FER: variants seen among roughly 807,000 people sequenced by gnomAD.
FER encodes FER tyrosine kinase, also known as tyrosine-protein kinase Fer.
In FER, 63 loss-of-function variants were observed where a neutral mutation model predicts 111.0. That is an observed-to-expected ratio of 0.57 (90% confidence interval 0.46 to 0.70). The LOEUF (loss-of-function observed/expected upper bound fraction) is 0.70. Among genes scored for constraint, FER ranks in the 30% least tolerant of loss-of-function variants. FER has a pLI of 0.00. For missense variants in FER, 914 were observed against 954.0 expected, an observed-to-expected ratio of 0.96 and a Z score of 0.55; for synonymous variants, 327 against 313.9, an observed-to-expected ratio of 1.04 and a Z score of -0.44.
At chr5:108,755,287 T>C (rs1750958259) in intron 1 of FER, among the ~76,000 whole-genome samples, 1 of 152,232 alleles carries the variant, frequency 6.6e-6, no homozygotes, top group Non-Finnish European at 1.5e-5. Flanking sequence ...CCTTGGTCGC[T>C]GTAATGCTTT....
rs1759038895 is a variant in FER at position 109,187,731 on chromosome 5, T to TAA, written c.*160_*161dup. ...GTGTTTTAAAAGTACGTTCCACTTG[T>TAA]AAAAAGTCAAAGGCAAATTTGTTAA... On this transcript the variant is annotated 3_prime_UTR_variant, in exon 20 of 20. Coordinates refer to ENST00000281092, the MANE Select transcript of FER (RefSeq NM_005246.4). 3.0e-6 allele frequency: 3 copies of TAA among 993,124 alleles called. No homozygotes were observed. The highest frequency in any genetic ancestry group is 4.3e-6 in the Non-Finnish European group (3 of 690,822). 61.5% of individuals were successfully genotyped at this position (993,124 alleles called of 1,614,324 possible).
intron 16 of FER, among the ~76,000 whole-genome samples, chr5:109,094,025 G>A (rs75322116): frequency 0.034 from 5,205 of 152,114 alleles, 145 homozygotes; most frequent in South Asian, 0.084. Context: ...GCAGACAGTC[G>A]AACTTCTTTG....
intron 13 of FER, among the ~76,000 whole-genome samples, chr5:108,985,294 G>T (rs1026321276): frequency 2.6e-5 from 4 of 152,048 alleles, no homozygotes; most frequent in Non-Finnish European, 5.9e-5. Context: ...TAAAAAGCTG[G>T]ACCATAACGG....
chr5:109,102,790 T>A (rs551648656), intron 17 of FER, among the ~76,000 whole-genome samples: 2 of 152,238 alleles, frequency 1.3e-5, no homozygotes, highest in South Asian at 4.1e-4. Context: ...GGATACATTG[T>A]TTTTTTCATT....
intron 17 of FER, among the ~76,000 whole-genome samples, chr5:109,139,350 C>CTTTCTTTTTTTTTTTTTTTTTTTT (rs759020944): frequency 1.1e-5 from 1 of 91,114 alleles, no homozygotes; most frequent in African/African-American, 4.4e-5. Context: ...TTCTTTCTTT[C>CTTTCTTTTTTTTTTTTTTTTTTTT]TTTTTTTTTT....
chr5:108,911,502 C>T (rs1326182916), intron 10 of FER, among the ~76,000 whole-genome samples: 9 of 151,992 alleles, frequency 5.9e-5, no homozygotes, highest in Non-Finnish European at 1.5e-5. Flanking sequence ...GTTTTTGTTG[C>T]ATTTGCTTTT....
intron 2 of FER, among the ~76,000 whole-genome samples, chr5:108,770,498 A>G (rs1752786248): frequency 6.6e-6 from 1 of 152,264 alleles, no homozygotes; most frequent in Admixed American, 6.5e-5. Flanking sequence ...TTTATGGGAC[A>G]GAGTCTCGCT....
At chr5:108,981,730 G>A (rs967508550) in intron 13 of FER, among the ~76,000 whole-genome samples, 17 of 152,032 alleles carry the variant, frequency 1.1e-4, no homozygotes, top group African/African-American at 4.1e-4. Flanking sequence ...TATGGATGAG[G>A]AAATTGAGGC....
At chr5:108,933,537 A>G (rs1755004797) in intron 10 of FER, among the ~76,000 whole-genome samples, 1 of 152,148 alleles carries the variant, frequency 6.6e-6, no homozygotes. Context: ...TGATGCTTCC[A>G]GCTTTATTCT....
chr5:108,757,727 A>G (rs1751277440), intron 1 of FER, among the ~76,000 whole-genome samples: 1 of 152,210 alleles, frequency 6.6e-6, no homozygotes, highest in African/African-American at 2.4e-5. Flanking sequence ...TTTGTTTATT[A>G]ACAGCTACTA....
chr5:108,959,298 A>G lies in FER; in HGVS notation c.1607A>G (p.Gln536Arg), dbSNP rs758476925. 18 of 1,611,952 alleles carry G rather than the reference A, an allele frequency of 1.1e-5. No individual in the cohort carries two copies. The highest frequency in any genetic ancestry group is 1.1e-4 in the South Asian group (10 of 90,956). ...QLIDHHYTTKQVITKKSGVVL... is the reference protein window; with the variant it reads ...QLIDHHYTTKRVITKKSGVVL... The stretch of plus-strand genomic sequence containing the variant: ...ATAGATCATCACTATACAACAAAAC[A>G]GGTCATCACTAAGAAATCAGGTGTA... The change falls in exon 13 of 20, where the codon CAG (glutamine) becomes CGG (arginine). Residue 536 changes from glutamine (Q) to arginine (R), a missense_variant. Around this residue, in one of 3 missense-constraint regions of FER, gnomAD observed 774 missense variants for 782.6 expected, o/e 0.99. Transcript: ENST00000281092.
chr5:109,117,985 T>C (rs530294003), intron 17 of FER, among the ~76,000 whole-genome samples: 1,638 of 152,180 alleles, frequency 0.011, 23 homozygotes, highest in Non-Finnish European at 0.013. Flanking sequence ...CTTTTCCTAA[T>C]TGAATGCCCT....
intron 13 of FER, among the ~76,000 whole-genome samples, chr5:108,992,362 T>A (rs575558612): frequency 5.3e-4 from 81 of 152,318 alleles, no homozygotes; most frequent in African/African-American, 1.9e-3. Context: ...GCCATTGTCA[T>A]CATGGCCCGT....
chr5:109,119,170 A>G (rs1450978337), intron 17 of FER, among the ~76,000 whole-genome samples: 2 of 151,848 alleles, frequency 1.3e-5, no homozygotes, highest in African/African-American at 2.4e-5. Context: ...CCCTCTACAC[A>G]CTGCTTTGAA....
At chr5:109,051,538 T>G (rs1772826211) in intron 16 of FER, 25 of 1,611,718 alleles carry the variant, frequency 1.6e-5, no homozygotes, top group Non-Finnish European at 8.5e-7. Context: ...AGCCCAGTTT[T>G]GCTCACTTGC....
At chr5:109,117,894 T>G (rs1750458251) in intron 17 of FER, among the ~76,000 whole-genome samples, 1 of 152,002 alleles carries the variant, frequency 6.6e-6, no homozygotes, top group African/African-American at 2.4e-5. Flanking sequence ...CCTATCAGCT[T>G]AAGAAGATTT....
chr5:109,194,138 A>T lies in FER; in HGVS notation c.*6563A>T, dbSNP rs1582479693. On this transcript the variant is annotated 3_prime_UTR_variant, in exon 20 of 20. Coordinates refer to ENST00000281092, the MANE Select transcript of FER (RefSeq NM_005246.4). ...TCCTCTACCCACTAAAGAAATGTGT[A>T]AACACTAGCAATAATTGCTTTATCT... is the stretch of plus-strand genomic sequence containing the variant. 1 of 152,346 alleles carries T rather than the reference A, an allele frequency of 6.6e-6. No individual in the cohort carries two copies. Among genetic ancestry groups the T allele is most frequent in the East Asian group, 1.9e-4 (1 of 5,182 alleles). 9.4% of individuals were successfully genotyped at this position (152,346 alleles called of 1,614,324 possible). A position where few individuals can be genotyped will look rare whatever the true frequency, so the allele number is the denominator to read the frequency against.
intron 13 of FER, among the ~76,000 whole-genome samples, chr5:108,992,813 C>A (rs1428925758): frequency 1.3e-5 from 2 of 150,940 alleles, no homozygotes; most frequent in Non-Finnish European, 3.0e-5. Flanking sequence ...GGTCTCCTCA[C>A]TTCTCAGACA....
intron 6 of FER, among the ~76,000 whole-genome samples, chr5:108,868,249 TC>T (rs1262310552): frequency 6.6e-6 from 1 of 152,110 alleles, no homozygotes; most frequent in African/African-American, 2.4e-5. Flanking sequence ...AATATCTGCC[TC>T]CAGAGAGTTG....
Sources: allele counts gnomAD v4.1 joint callset (sites outside exome capture counted in the v4.1 genomes callset), GRCh38; gene constraint gnomAD v4.1.1; regional missense constraint gnomAD v4.1.1; transcripts MANE v1.5; gene names NCBI Gene and HGNC (gene_info 2026-07-23, HGNC 2026-07-21).